The following FCER1G variants were observed in gnomAD, a reference collection of about 807,000 sequenced individuals.
The protein encoded by FCER1G is high affinity immunoglobulin epsilon receptor subunit gamma.
FCER1G carries 7 observed loss-of-function variants against 17.3 expected under a neutral mutation model. That is an observed-to-expected ratio of 0.40 (90% CI 0.23 to 0.76). The LOEUF (loss-of-function observed/expected upper bound fraction) is 0.76, where lower values mean the gene tolerates loss of function less well. Ranked by LOEUF, FCER1G falls within the 30% of genes least tolerant of loss-of-function variation. FCER1G has a pLI of 0.35. For synonymous variants in FCER1G, 35 were observed against 38.7 expected (o/e 0.90, Z 0.35); for missense variants, 87 against 97.7 (o/e 0.89, Z 0.46).
chr1:161,216,400 AC>A (rs1666050285), intron 1 of FCER1G, among the ~76,000 whole-genome samples: 1 of 141,552 alleles, frequency 7.1e-6, no homozygotes, highest in Admixed American at 7.3e-5. Context: ...ACACACACAC[AC>A]ACACACACAC....
intron 1 of FCER1G, among the ~76,000 whole-genome samples, chr1:161,216,519 C>G (rs1337022713): frequency 6.6e-6 from 1 of 151,636 alleles, no homozygotes; most frequent in Admixed American, 6.6e-5. Flanking sequence ...CCAAGACAAA[C>G]AGACGGGATT....
intron 1 of FCER1G, among the ~76,000 whole-genome samples, chr1:161,216,734 G>C (rs1482766582): frequency 6.6e-6 from 1 of 152,130 alleles, no homozygotes; most frequent in East Asian, 1.9e-4. Flanking sequence ...TGCTGGATTG[G>C]TGTGTGTGTG....
chr1:161,219,152 C>T lies in FCER1G; in HGVS notation c.*209C>T, dbSNP rs1000534798. ...TTTACGGATATTTATATTCTAGTCT[C>T]ACTCTCTTGTCCCACCCTTCTTCTC... On this transcript the variant is annotated 3_prime_UTR_variant, in exon 5 of 5. Coordinates refer to ENST00000289902, the MANE Select transcript of FCER1G (RefSeq NM_004106.2). 4 of 577,842 alleles carry T rather than the reference C, an allele frequency of 6.9e-6. No homozygotes were observed. The African/African-American group carries it at 7.5e-5, about 11-fold the overall frequency. The allele number at this position is 577,842 out of a possible 1,614,324, so 35.8% of individuals were successfully genotyped here.
intron 2 of FCER1G, 69 bp from the exon 3 acceptor site, chr1:161,218,172 A>C: frequency 6.4e-7 from 1 of 1,553,472 alleles, no homozygotes; most frequent in South Asian, 1.1e-5. Context: ...GGGATCCTCC[A>C]CAAAGTTTGG....
At chr1:161,215,781 C>T (rs1441433958) in intron 1 of FCER1G, among the ~76,000 whole-genome samples, 1 of 152,012 alleles carries the variant, frequency 6.6e-6, no homozygotes, top group Admixed American at 6.6e-5. Context: ...TTGGTAGAAA[C>T]CGGGTTTCGT....
intron 2 of FCER1G, 67 bp downstream of exon 2, chr1:161,218,144 G>A (rs983381945): frequency 8.5e-6 from 13 of 1,534,148 alleles, no homozygotes; most frequent in African/African-American, 8.2e-5. Flanking sequence ...GCAAGGATTC[G>A]AAGAGAAGGA....
chr1:161,218,858 C>T (rs1018104023), intron 4 of FCER1G, 23 bp from the exon 5 acceptor site: 33 of 1,609,330 alleles, frequency 2.1e-5, no homozygotes, highest in African/African-American at 2.7e-5. Flanking sequence ...AGCTCCTGAT[C>T]GCCCTTTGAC....
chr1:161,218,822 G>T, intron 4 of FCER1G, 59 bp from the exon 5 acceptor site: 3 of 1,577,910 alleles, frequency 1.9e-6, no homozygotes, highest in Middle Eastern at 3.4e-4. Context: ...GTCCTGTGGA[G>T]GTGGGAGGGG....
intron 1 of FCER1G, among the ~76,000 whole-genome samples, chr1:161,217,167 C>T (rs1444134756): frequency 6.6e-6 from 1 of 152,174 alleles, no homozygotes. Context: ...ACGTTAGTCA[C>T]ATGTTCCCTA....
Position 161,219,038 on chromosome 1 carries a change from C to A in FCER1G, c.*95C>A. 1.1e-6 allele frequency: 1 copy of A among 888,364 alleles called. No homozygotes were observed. Among genetic ancestry groups the A allele is most frequent in the Non-Finnish European group, 1.9e-6 (1 of 528,214 alleles). 55.0% of individuals were successfully genotyped at this position (888,364 alleles called of 1,614,324 possible). On this transcript the variant is annotated 3_prime_UTR_variant, in exon 5 of 5. Coordinates refer to ENST00000289902, the MANE Select transcript of FCER1G (RefSeq NM_004106.2). ...TATGCCTGCATGCCATTAACACCAG[C>A]TGGCCCTACCCCTATAATGATCCTG...
rs1259581857 is a variant in FCER1G, at chr1:161,219,101, T to C, written c.*158T>C. 2 of 627,540 alleles carry C rather than the reference T, an allele frequency of 3.2e-6. No individual in the cohort carries two copies. Among genetic ancestry groups the C allele is most frequent in the Non-Finnish European group, 5.8e-6 (2 of 345,816 alleles). 38.9% of individuals were successfully genotyped at this position (627,540 alleles called of 1,614,324 possible). On this transcript the variant is annotated 3_prime_UTR_variant, in exon 5 of 5. Coordinates refer to ENST00000289902, the MANE Select transcript of FCER1G (RefSeq NM_004106.2). ...ATATACACCAGTGGTTCCTCCTCCC[T>C]GTTAAAGACTAATGCTCAGATGCTG...
intron 1 of FCER1G, 112 bp downstream of exon 1, chr1:161,215,482 G>A (rs1489130124): frequency 2.1e-6 from 2 of 936,140 alleles, no homozygotes; most frequent in Non-Finnish European, 3.5e-6. Context: ...GTGGGTAGGT[G>A]GGCATAGGGA....
chr1:161,218,229 C>T lies in FCER1G; in HGVS notation c.142-12C>T, dbSNP rs1229497766. 2 of 1,612,642 alleles carry T rather than the reference C, an allele frequency of 1.2e-6. No individual in the cohort carries two copies. Among genetic ancestry groups the T allele is most frequent in the Non-Finnish European group, 1.7e-6 (2 of 1,178,758 alleles). ...AACTTACCCTTTACTGATAACCTTTCCCCCATTCCAGATCCAAGTGCGAAA... is the reference window on the plus strand; with the variant it reads ...AACTTACCCTTTACTGATAACCTTTTCCCCATTCCAGATCCAAGTGCGAAA... On this transcript the variant is annotated splice_polypyrimidine_tract_variant and intron_variant, in intron 2 of 4. Transcript: ENST00000289902.
At chr1:161,218,592 AGCCCAAGGTGGCTGGCT>A in intron 3 of FCER1G, 94 bp from the exon 4 acceptor site, 3 of 1,111,052 alleles carry the variant, frequency 2.7e-6, no homozygotes, top group Non-Finnish European at 4.1e-6. Context: ...AGTGCCCTCT[AGCCCAAGGTGGCTGGCT>A]GCCCACCCCC....
chr1:161,219,149 T>G lies in FCER1G; in HGVS notation c.*206T>G, dbSNP rs1413488136. ...CTGTTTACGGATATTTATATTCTAG[T>G]CTCACTCTCTTGTCCCACCCTTCTT... On this transcript the variant is annotated 3_prime_UTR_variant, in exon 5 of 5. Transcript: ENST00000289902. The G allele has an allele frequency of 1.7e-6, 1 of 580,122 alleles. No homozygotes were observed. 35.9% of individuals were successfully genotyped at this position (580,122 alleles called of 1,614,324 possible).
chr1:161,218,516 C>T (rs764669658), intron 3 of FCER1G, among the ~76,000 whole-genome samples, 187 bp from the exon 4 acceptor site: 4 of 152,154 alleles, frequency 2.6e-5, no homozygotes, highest in Non-Finnish European at 4.4e-5. Flanking sequence ...TGTAGTATGT[C>T]GGGTGTATAT....
At chr1:161,218,844 C>T in intron 4 of FCER1G, 37 bp from the exon 5 acceptor site, 1 of 1,600,336 alleles carries the variant, frequency 6.2e-7, no homozygotes, top group Non-Finnish European at 8.6e-7. Flanking sequence ...CTCTGATGGA[C>T]TCCAGCTCCT....
rs1803572 is a variant in FCER1G, at chr1:161,219,081, C to T, written c.*138C>T. The T allele has an allele frequency of 1.5e-6, 1 of 660,156 alleles. No individual in the cohort carries two copies. The highest frequency in any genetic ancestry group is 2.7e-6 in the Non-Finnish European group (1 of 363,958). 40.9% of individuals were successfully genotyped at this position (660,156 alleles called of 1,614,324 possible). A position where few individuals can be genotyped will look rare whatever the true frequency, so the allele number is the denominator to read the frequency against. On this transcript the variant is annotated 3_prime_UTR_variant, in exon 5 of 5. Transcript: ENST00000289902. ...TGATCCTGTGTCCTAAATTAATATA[C>T]ACCAGTGGTTCCTCCTCCCTGTTAA...
chr1:161,217,845 C>T, intron 1 of FCER1G, 141 bp from the exon 2 acceptor site: 8 of 683,670 alleles, frequency 1.2e-5, no homozygotes, highest in South Asian at 1.7e-5. Context: ...CAGTGGAAGG[C>T]CAGAGAGAAA....
Sources: allele counts gnomAD v4.1 joint callset (sites outside exome capture counted in the v4.1 genomes callset), GRCh38; gene constraint gnomAD v4.1.1; transcripts MANE v1.5; gene names NCBI Gene and HGNC (gene_info 2026-07-23, HGNC 2026-07-21).